The following SDK1 variants were observed in gnomAD, a reference collection of about 807,000 sequenced individuals.
SDK1 encodes sidekick cell adhesion molecule 1, also known as protein sidekick-1.
Under a neutral mutation model 245.5 loss-of-function variants are expected in SDK1, and 157 were observed. That is an observed-to-expected ratio of 0.64 (90% CI 0.56 to 0.73). SDK1 has a LOEUF of 0.73. Ranked by LOEUF, SDK1 falls within the 30% of genes least tolerant of loss-of-function variation. The pLI is 0.00. For synonymous variants in SDK1, 1,647 were observed against 1,278.5 expected, an observed-to-expected ratio of 1.29 and a Z score of -6.15; for missense variants, 3,583 against 3,002.3, an observed-to-expected ratio of 1.19 and a Z score of -4.52.
chr7:3,366,802 C>T (rs945073422), intron 1 of SDK1, among the ~76,000 whole-genome samples: 4 of 151,950 alleles, frequency 2.6e-5, no homozygotes, highest in African/African-American at 9.7e-5. Context: ...AGTGCAGTGG[C>T]GTGATCTCAG....
At chr7:3,644,088 A>G (rs892589600) in intron 4 of SDK1, among the ~76,000 whole-genome samples, 3 of 150,724 alleles carry the variant, frequency 2.0e-5, no homozygotes, top group East Asian at 2.0e-4. Context: ...TTTTTAGCAG[A>G]GGTGAGGTTT....
At chr7:4,006,751 G>A (rs11978290) in intron 14 of SDK1, among the ~76,000 whole-genome samples, 12,747 of 152,226 alleles carry the variant, frequency 0.084, 1,210 homozygotes, top group African/African-American at 0.24. Context: ...AGCAGGACTG[G>A]GCAGGCCCCG....
At chr7:3,333,633 C>T (rs987693939) in intron 1 of SDK1, among the ~76,000 whole-genome samples, 2 of 152,142 alleles carry the variant, frequency 1.3e-5, no homozygotes, top group Admixed American at 1.3e-4. Flanking sequence ...ATACCCCTAA[C>T]CTAGCACAAA....
At chr7:3,718,456 A>T (rs938082321) in intron 4 of SDK1, among the ~76,000 whole-genome samples, 2 of 151,906 alleles carry the variant, frequency 1.3e-5, no homozygotes, top group Non-Finnish European at 2.9e-5. Context: ...CCGGAGGTTG[A>T]GGCTGCAGTG....
intron 1 of SDK1, among the ~76,000 whole-genome samples, chr7:3,594,930 G>A (rs188033403): frequency 2.0e-5 from 3 of 152,220 alleles, no homozygotes; most frequent in East Asian, 3.9e-4. Flanking sequence ...TTAATGTATA[G>A]GGTTTACTGT....
At chr7:3,647,553 A>C (rs912788511) in intron 4 of SDK1, among the ~76,000 whole-genome samples, 2 of 152,112 alleles carry the variant, frequency 1.3e-5, no homozygotes. Context: ...CAGCCTCCAG[A>C]GCACCTGGGA....
At chr7:4,051,004 T>G (rs897600009) in intron 18 of SDK1, among the ~76,000 whole-genome samples, 4 of 142,484 alleles carry the variant, frequency 2.8e-5, no homozygotes, top group Admixed American at 2.2e-4. Flanking sequence ...ATATGTTATA[T>G]ATAGTATACT....
chr7:3,500,300 T>C (rs1782156565), intron 1 of SDK1, among the ~76,000 whole-genome samples: 3 of 152,288 alleles, frequency 2.0e-5, no homozygotes. Flanking sequence ...GGACTACTCT[T>C]GTGTTAGTGG....
intron 1 of SDK1, among the ~76,000 whole-genome samples, chr7:3,384,573 T>A (rs1257252743): frequency 6.8e-6 from 1 of 146,616 alleles, no homozygotes; most frequent in East Asian, 2.1e-4. Flanking sequence ...ATTTCCACTC[T>A]TGTTTTACAT....
chr7:3,391,636 T>C (rs1009366454), intron 1 of SDK1, among the ~76,000 whole-genome samples: 18 of 35,988 alleles, frequency 5.0e-4, no homozygotes, highest in African/African-American at 3.2e-3. Context: ...TGTTAACTGA[T>C]TTTTTTTTTT....
chr7:3,689,968 G>A (rs1054995963), intron 4 of SDK1, among the ~76,000 whole-genome samples: 1 of 152,178 alleles, frequency 6.6e-6, no homozygotes, highest in Non-Finnish European at 1.5e-5. Flanking sequence ...CATCCGTGTG[G>A]AAATGAATGT....
intron 1 of SDK1, among the ~76,000 whole-genome samples, chr7:3,336,373 G>T (rs1419109872): frequency 1.3e-5 from 2 of 152,160 alleles, no homozygotes; most frequent in African/African-American, 2.4e-5. Flanking sequence ...CCCTCTGCCT[G>T]GTAGGAGCAG....
chr7:3,891,243 G>T (rs1360934959), intron 5 of SDK1, among the ~76,000 whole-genome samples: 2 of 152,080 alleles, frequency 1.3e-5, no homozygotes, highest in Admixed American at 6.5e-5. Context: ...TGGGAGTAGG[G>T]GGTGTCGATT....
chr7:3,690,179 C>G (rs1784405303), intron 4 of SDK1, among the ~76,000 whole-genome samples: 1 of 152,150 alleles, frequency 6.6e-6, no homozygotes, highest in South Asian at 2.1e-4. Flanking sequence ...ACTCTAGATG[C>G]AGGGCGTCAC....
Position 3,958,970 on chromosome 7 carries a change from C to A in SDK1, c.1190C>A (p.Ser397Ter). Residue 397 changes from serine to a stop codon, truncating the protein, a stop_gained, in exon 8 of 45, where the codon TCA (serine) becomes TAA (stop). Coordinates refer to ENST00000404826, the MANE Select transcript of SDK1 (RefSeq NM_152744.4). LOFTEE classifies it high-confidence loss of function. ...ACTGCTGAGCCCGAGAGTCGGATTT[C>A]AGCTGAAGTAGAAGAAACTGTGGAC... ...YFTAEPESRI[S>*]AEVEETVDIG... The A allele has an allele frequency of 6.2e-7, 1 of 1,613,908 alleles. No homozygotes were observed. The highest frequency in any genetic ancestry group is 8.5e-7 in the Non-Finnish European group (1 of 1,179,946).
intron 9 of SDK1, among the ~76,000 whole-genome samples, chr7:3,964,220 C>G (rs1171357816): frequency 1.3e-5 from 2 of 152,186 alleles, no homozygotes; most frequent in South Asian, 2.1e-4. Context: ...AGCCAGCTCT[C>G]AAGCACACCT....
chr7:4,146,819 C>T (rs1311746734), intron 29 of SDK1, among the ~76,000 whole-genome samples: 1 of 152,216 alleles, frequency 6.6e-6, no homozygotes, highest in African/African-American at 2.4e-5. Context: ...GCCCACGGAG[C>T]AGCATGGCAT....
intron 1 of SDK1, among the ~76,000 whole-genome samples, chr7:3,377,353 G>C (rs1781379672): frequency 1.3e-5 from 2 of 152,134 alleles, no homozygotes; most frequent in African/African-American, 4.8e-5. Flanking sequence ...GCTGCCGCAG[G>C]TTTTCTCTGT....
chr7:3,744,795 G>T (rs1261727926), intron 4 of SDK1, among the ~76,000 whole-genome samples: 1 of 151,684 alleles, frequency 6.6e-6, no homozygotes, highest in Non-Finnish European at 1.5e-5. Flanking sequence ...CTGGGCGACA[G>T]AGTGAGACTC....
Sources: gnomAD v4.1 joint callset for allele counts (sites outside exome capture counted in the v4.1 genomes callset) on GRCh38, gnomAD v4.1.1 for gene constraint, MANE v1.5 for transcripts, NCBI Gene and HGNC (gene_info 2026-07-23, HGNC 2026-07-21) for gene names.